TMEM132B: variants seen among roughly 807,000 people sequenced by gnomAD.
The protein encoded by TMEM132B is transmembrane protein 132B.
In TMEM132B, 18 loss-of-function variants were observed where a neutral mutation model predicts 90.8. That is an observed-to-expected ratio of 0.20 (90% CI 0.14 to 0.29). The LOEUF (loss-of-function observed/expected upper bound fraction) is 0.29. TMEM132B is among the 10% of genes least tolerant of loss of function. TMEM132B has a pLI of 1.00. For missense variants in TMEM132B, 1,096 were observed against 1,326.8 expected (o/e 0.83, Z 2.70); for synonymous variants, 504 against 523.3 (o/e 0.96, Z 0.50).
intron 1 of TMEM132B, among the ~76,000 whole-genome samples, chr12:125,271,072 T>C (rs1337291446): frequency 6.6e-6 from 1 of 151,648 alleles, no homozygotes; most frequent in Non-Finnish European, 1.5e-5. Flanking sequence ...CACCTCACCC[T>C]CCTGAGTTTC....
chr12:125,214,992 G>A (rs1873401570), intron 1 of TMEM132B, among the ~76,000 whole-genome samples: 2 of 152,146 alleles, frequency 1.3e-5, no homozygotes, highest in South Asian at 4.2e-4. Context: ...TCTCCCAGCT[G>A]CAGCCCTCAC....
intron 1 of TMEM132B, among the ~76,000 whole-genome samples, chr12:125,272,627 G>A (rs898610713): frequency 5.3e-5 from 8 of 152,102 alleles, no homozygotes; most frequent in African/African-American, 1.7e-4. Context: ...GGCGCGGGCG[G>A]GTGCAGTTGG....
At chr12:125,218,434 T>G (rs1486045247) in intron 1 of TMEM132B, among the ~76,000 whole-genome samples, 1 of 152,170 alleles carries the variant, frequency 6.6e-6, no homozygotes, top group Non-Finnish European at 1.5e-5. Context: ...TATTTTTCTT[T>G]GCTGTGAAAT....
rs60316781 is a variant in TMEM132B, at chr12:125,277,502, A to AACACACACACAC, written c.68-71934_68-71923dup. 0.017 allele frequency among the ~76,000 whole-genome samples: 2,458 copies of AACACACACACAC among 143,132 alleles called. 73 individuals are homozygous for AACACACACACAC. Among genetic ancestry groups the AACACACACACAC allele is most frequent in the African/African-American group, 0.059 (2,185 of 37,344 alleles). The allele number at this position is 143,132 out of a possible 152,430, so 93.9% of individuals were successfully genotyped here. A position where few individuals can be genotyped will look rare whatever the true frequency, so the allele number is the denominator to read the frequency against. On this transcript the variant is annotated intron_variant, in intron 1 of 8. Coordinates refer to ENST00000682704, the MANE Select transcript of TMEM132B (RefSeq NM_001366854.1). This position sits in a 1 kb window ranked among gnomAD's most constrained non-coding sequence, Gnocchi z 4.3. ...TCAAAAAAAAAAGATGAAGAGGGAG[A>AACACACACACAC]ACACACACACACACACACACACACA...
At position 125,659,218 on chromosome 12, in the gene TMEM132B, A is replaced by G. The variant is rs1887148886; in HGVS notation, c.*4508A>G. 6.6e-6 allele frequency: 1 copy of G among 152,192 alleles called. No individual in the cohort carries two copies. The highest frequency in any genetic ancestry group is 1.5e-5 in the Non-Finnish European group (1 of 68,026). 9.4% of individuals were successfully genotyped at this position (152,192 alleles called of 1,614,324 possible). On this transcript the variant is annotated 3_prime_UTR_variant, in exon 9 of 9. Coordinates refer to ENST00000682704, the MANE Select transcript of TMEM132B (RefSeq NM_001366854.1). ...TGCCAACGTATTTTACCTTGAAAAC[A>G]TTTCTTATTTGTTATCCTAGTAGGC...
intron 2 of TMEM132B, among the ~76,000 whole-genome samples, chr12:125,353,606 C>CTAT (rs1391083055): frequency 1.3e-5 from 2 of 152,164 alleles, no homozygotes; most frequent in Non-Finnish European, 2.9e-5. Context: ...GAGGCAAGTG[C>CTAT]TATTATTATT....
In TMEM132B at chr12:125,213,528, A is replaced by G. The variant is rs1873368505; in HGVS notation, c.67+26662A>G. Among the ~76,000 whole-genome samples the G allele has an allele frequency of 1.3e-5, 2 of 152,238 alleles. No individual in the cohort carries two copies. The highest frequency in any genetic ancestry group is 2.9e-5 in the Non-Finnish European group (2 of 68,036). On this transcript the variant is annotated intron_variant, in intron 1 of 8. Coordinates refer to ENST00000682704, the MANE Select transcript of TMEM132B (RefSeq NM_001366854.1). The surrounding 1 kb of genome is among the most constrained non-coding windows in gnomAD (Gnocchi z 4.2). Reference sequence around the variant, plus strand: ...TGAGCCCGGAGTTCTGAGCCCGTAAAAGATTCTTTCATTTTTAGTCAAATG... The same window carrying G: ...TGAGCCCGGAGTTCTGAGCCCGTAAGAGATTCTTTCATTTTTAGTCAAATG...
chr12:125,405,673 C>T (rs995463736), intron 2 of TMEM132B, among the ~76,000 whole-genome samples: 2 of 152,190 alleles, frequency 1.3e-5, no homozygotes, highest in Non-Finnish European at 2.9e-5. Flanking sequence ...CTGCCTCCAC[C>T]TTGTGATTTT....
rs750817912 is a variant in TMEM132B, at chr12:125,654,577, A to G, written c.3119A>G (p.Glu1040Gly). Residue 1040 changes from glutamate to glycine, a missense_variant, in exon 9 of 9, where the codon GAG becomes GGG. Coordinates refer to ENST00000682704, the MANE Select transcript of TMEM132B (RefSeq NM_001366854.1). The surrounding 1 kb of genome is among the most constrained non-coding windows in gnomAD (Gnocchi z 5.8). Reference protein sequence around the residue: ...KFTSYTTILPEDGGPYTNSIL... With the variant: ...KFTSYTTILPGDGGPYTNSIL... ...ACTTCCTACACCACCATCCTCCCAGAGGACGGCGGCCCATACACCAACTCC... is the reference window on the plus strand; with the variant it reads ...ACTTCCTACACCACCATCCTCCCAGGGGACGGCGGCCCATACACCAACTCC... 9.9e-6 allele frequency: 16 copies of G among 1,614,180 alleles called. No homozygotes were observed. Among genetic ancestry groups the G allele is most frequent in the Non-Finnish European group, 1.4e-5 (16 of 1,180,034 alleles).
At chr12:125,327,901 A>C (rs1876636676) in intron 1 of TMEM132B, among the ~76,000 whole-genome samples, 1 of 152,238 alleles carries the variant, frequency 6.6e-6, no homozygotes, top group Non-Finnish European at 1.5e-5. Context: ...GGCTACATTT[A>C]AAACAATGGG....
intron 1 of TMEM132B, among the ~76,000 whole-genome samples, chr12:125,324,380 C>T (rs146576236): frequency 2.2e-4 from 33 of 152,278 alleles, no homozygotes; most frequent in African/African-American, 7.2e-4. Flanking sequence ...TCACGTCACG[C>T]GTGTGCAGGT....
intron 1 of TMEM132B, among the ~76,000 whole-genome samples, chr12:125,199,399 C>T (rs79267202): frequency 0.039 from 5,979 of 152,112 alleles, 154 homozygotes; most frequent in African/African-American, 0.066. Context: ...TCTTAGGGTT[C>T]CTGGGTCCCT....
At chr12:125,255,445 G>T (rs1032182520) in intron 1 of TMEM132B, among the ~76,000 whole-genome samples, 1 of 152,172 alleles carries the variant, frequency 6.6e-6, no homozygotes, top group African/African-American at 2.4e-5. Context: ...TCTGTTCAAG[G>T]TGACTGTCAA....
At chr12:125,511,317 G>A (rs573626786) in intron 3 of TMEM132B, among the ~76,000 whole-genome samples, 1 of 152,250 alleles carries the variant, frequency 6.6e-6, no homozygotes, top group Non-Finnish European at 1.5e-5. Context: ...AAATTGGGTT[G>A]CTTTCACCTT....
intron 2 of TMEM132B, among the ~76,000 whole-genome samples, chr12:125,398,523 A>G (rs1460747956): frequency 6.6e-6 from 1 of 152,208 alleles, no homozygotes; most frequent in African/African-American, 2.4e-5. Context: ...GGCAGTAGGG[A>G]CTGGCGGTGG....
intron 3 of TMEM132B, among the ~76,000 whole-genome samples, chr12:125,478,870 G>A (rs543511681): frequency 6.6e-6 from 1 of 152,298 alleles, no homozygotes; most frequent in East Asian, 1.9e-4. Flanking sequence ...AGAAAGGTCG[G>A]GTTACCCATA....
chr12:125,589,095 T>TAG (rs1885245674), intron 5 of TMEM132B, among the ~76,000 whole-genome samples: 1 of 152,158 alleles, frequency 6.6e-6, no homozygotes, highest in African/African-American at 2.4e-5. Flanking sequence ...TTTATTGACA[T>TAG]ATTGAAATAT....
intron 3 of TMEM132B, among the ~76,000 whole-genome samples, chr12:125,447,628 T>C (rs950801785): frequency 2.6e-5 from 4 of 152,242 alleles, no homozygotes; most frequent in Admixed American, 2.0e-4. Context: ...CCTACATCTC[T>C]AATCATCTGG....
chr12:125,424,634 C>A lies in TMEM132B; in HGVS notation c.1106+8957C>A, dbSNP rs150430661. ...CTGGAGAAGGATGGAGCAGGCCTAG[C>A]GGAATGCCAGAAAGGCTGTGTCAAA... On this transcript the variant is annotated intron_variant, in intron 3 of 8. Transcript: ENST00000682704. 1.1e-3 allele frequency among the ~76,000 whole-genome samples: 165 copies of A among 152,278 alleles called. 1 individual carries two copies. The highest frequency in any genetic ancestry group is 3.7e-3 in the African/African-American group (153 of 41,540).
Sources: allele counts gnomAD v4.1 joint callset (sites outside exome capture counted in the v4.1 genomes callset), GRCh38; gene constraint gnomAD v4.1.1; non-coding constraint Gnocchi (gnomAD v3.1); transcripts MANE v1.5; gene names NCBI Gene and HGNC (gene_info 2026-07-23, HGNC 2026-07-21).